Variants in PTP4A1 observed in about 807,000 individuals in gnomAD.
PTP4A1 encodes protein tyrosine phosphatase 4A1, also known as protein tyrosine phosphatase type IVA 1.
PTP4A1 carries 9 observed loss-of-function variants against 20.5 expected under a neutral mutation model. That is an observed-to-expected ratio of 0.44 (90% CI 0.26 to 0.77). The LOEUF is 0.77. Ranked by LOEUF, PTP4A1 falls within the 30% of genes least tolerant of loss-of-function variation. The pLI is 0.19. For missense variants in PTP4A1, 137 were observed against 218.8 expected, an observed-to-expected ratio of 0.63 and a Z score of 2.36; for synonymous variants, 78 against 67.4, an observed-to-expected ratio of 1.16 and a Z score of -0.77.
chr6:63,541,722 C>T (rs893716103), intron 2 of PTP4A1, among the ~76,000 whole-genome samples: 3 of 152,134 alleles, frequency 2.0e-5, no homozygotes, highest in African/African-American at 4.8e-5. Context: ...CTCCATCCAA[C>T]TCCATTAAAA....
At chr6:63,542,311 A>G (rs1013100932) in intron 2 of PTP4A1, among the ~76,000 whole-genome samples, 1 of 151,952 alleles carries the variant, frequency 6.6e-6, no homozygotes, top group Non-Finnish European at 1.5e-5. Context: ...AAAGACTACA[A>G]ATTGAGTGCA....
chr6:63,575,133 G>A (rs944435483), intron 1 of PTP4A1, among the ~76,000 whole-genome samples: 1 of 152,152 alleles, frequency 6.6e-6, no homozygotes, highest in Non-Finnish European at 1.5e-5. Context: ...TAACTAGCAT[G>A]GGACTATTTA....
At chr6:63,539,150 TC>T (rs1418760737) in intron 2 of PTP4A1, among the ~76,000 whole-genome samples, 1 of 152,184 alleles carries the variant, frequency 6.6e-6, no homozygotes, top group Non-Finnish European at 1.5e-5. Flanking sequence ...CACCTTGGCT[TC>T]CCAAAGTACT....
chr6:63,563,343 C>G (rs1297690859), intron 3 of PTP4A1, among the ~76,000 whole-genome samples: 1 of 152,190 alleles, frequency 6.6e-6, no homozygotes, highest in South Asian at 2.1e-4. Flanking sequence ...TTGCTGCAGT[C>G]CCTCAGGTCT....
intron 3 of PTP4A1, among the ~76,000 whole-genome samples, chr6:63,552,230 T>A (rs950165695): frequency 6.6e-6 from 1 of 152,236 alleles, no homozygotes; most frequent in Non-Finnish European, 1.5e-5. Flanking sequence ...GCATTCTAAC[T>A]GGTGTGAGAT....
intron 3 of PTP4A1, among the ~76,000 whole-genome samples, chr6:63,565,750 C>T (rs1185702181): frequency 1.3e-5 from 2 of 152,094 alleles, no homozygotes; most frequent in African/African-American, 4.8e-5. Context: ...GTCTAAATTT[C>T]CCACAGAAAT....
chr6:63,574,988 G>A (rs1356478211), intron 1 of PTP4A1, among the ~76,000 whole-genome samples: 1 of 152,082 alleles, frequency 6.6e-6, no homozygotes, highest in Non-Finnish European at 1.5e-5. Flanking sequence ...CTTTTTTATG[G>A]GACCTTTTGA....
At chr6:63,564,109 T>C (rs1777081828) in intron 3 of PTP4A1, among the ~76,000 whole-genome samples, 1 of 152,058 alleles carries the variant, frequency 6.6e-6, no homozygotes, top group Non-Finnish European at 1.5e-5. Context: ...ACCCCATCTC[T>C]ACTAAAAATA....
chr6:63,536,396 T>C (rs1038342713), intron 2 of PTP4A1, among the ~76,000 whole-genome samples: 1 of 152,194 alleles, frequency 6.6e-6, no homozygotes, highest in African/African-American at 2.4e-5. Context: ...GGTCATTTTA[T>C]CCCTCTGCTT....
At chr6:63,545,429 G>A (rs1776140448) in intron 2 of PTP4A1, among the ~76,000 whole-genome samples, 1 of 152,050 alleles carries the variant, frequency 6.6e-6, no homozygotes, top group African/African-American at 2.4e-5. Context: ...GGCCAACAGG[G>A]TGAAAGCTTG....
intron 1 of PTP4A1, among the ~76,000 whole-genome samples, chr6:63,524,628 A>G (rs988772556): frequency 6.6e-6 from 1 of 152,220 alleles, no homozygotes; most frequent in African/African-American, 2.4e-5. Context: ...GAAGCCTTGG[A>G]TGAGATTCTA....
At chr6:63,516,568 A>T in the PTP4A1 span, among the ~76,000 whole-genome samples, 1 of 152,110 alleles carries the variant, frequency 6.6e-6, no homozygotes, top group African/African-American at 2.4e-5. Context: ...TCCATTTGTA[A>T]GTTGGGCATG....
intron 3 of PTP4A1, among the ~76,000 whole-genome samples, chr6:63,558,299 G>C (rs1776776066): frequency 6.6e-6 from 1 of 152,240 alleles, no homozygotes; most frequent in East Asian, 1.9e-4. Flanking sequence ...GGATGGAGGA[G>C]AGAAAGAAGC....
upstream of PTP4A1, among the ~76,000 whole-genome samples, chr6:63,520,741 TTTA>T (rs1442065754): frequency 4.6e-5 from 7 of 152,150 alleles, no homozygotes; most frequent in African/African-American, 1.7e-4. Context: ...GTGGTTTGTG[TTTA>T]TTATTTCCTT....
Position 63,576,552 on chromosome 6 carries a change from C to G in PTP4A1, c.-329C>G. 2.3e-6 allele frequency: 1 copy of G among 442,418 alleles called. No homozygotes were observed. The highest frequency in any genetic ancestry group is 4.0e-6 in the Non-Finnish European group (1 of 252,094). 27.4% of individuals were successfully genotyped at this position (442,418 alleles called of 1,614,324 possible). On this transcript the variant is annotated 5_prime_UTR_variant, in exon 2 of 6. Coordinates refer to ENST00000626021, the MANE Select transcript of PTP4A1 (RefSeq NM_003463.5). Reference sequence around the variant, plus strand: ...AGTGAACTGTAGAAACTGATTACTGCTCCACCAAGAAGCCCCCATAAGAGT... The same window carrying G: ...AGTGAACTGTAGAAACTGATTACTGGTCCACCAAGAAGCCCCCATAAGAGT...
chr6:63,548,560 C>T (rs1283337368), intron 2 of PTP4A1: 3 of 253,374 alleles, frequency 1.2e-5, no homozygotes, highest in African/African-American at 6.8e-5. Flanking sequence ...ATTCCTCTCT[C>T]CAAGCACAGC....
intron 2 of PTP4A1, among the ~76,000 whole-genome samples, chr6:63,542,289 G>A (rs1380889420): frequency 1.3e-5 from 2 of 152,000 alleles, no homozygotes; most frequent in Non-Finnish European, 2.9e-5. Context: ...GGTGGGAAGA[G>A]GGTGAGGGAT....
intron 3 of PTP4A1, among the ~76,000 whole-genome samples, chr6:63,556,477 T>C (rs1178607441): frequency 6.6e-6 from 1 of 152,158 alleles, no homozygotes; most frequent in African/African-American, 2.4e-5. Flanking sequence ...CACTATGCTC[T>C]GCCTAATAAA....
upstream of PTP4A1, among the ~76,000 whole-genome samples, chr6:63,520,085 T>C (rs1774866633): frequency 6.6e-6 from 1 of 152,200 alleles, no homozygotes; most frequent in Non-Finnish European, 1.5e-5. Context: ...TGCGAGAACA[T>C]AATTATCAAA....
Sources: allele counts gnomAD v4.1 joint callset (sites outside exome capture counted in the v4.1 genomes callset), GRCh38; gene constraint gnomAD v4.1.1; transcripts MANE v1.5; gene names NCBI Gene and HGNC (gene_info 2026-07-23, HGNC 2026-07-21).